The following FCGR3A variants were observed in gnomAD, a reference collection of about 807,000 sequenced individuals.
FCGR3A encodes low affinity immunoglobulin gamma Fc region receptor III-A.
FCGR3A carries 13 observed loss-of-function variants against 24.1 expected under a neutral mutation model. The observed-to-expected ratio is 0.54, with a 90% CI of 0.35 to 0.86. The LOEUF (loss-of-function observed/expected upper bound fraction) is 0.86, where lower values mean the gene tolerates loss of function less well. Among genes scored for constraint, FCGR3A ranks in the 40% least tolerant of loss-of-function variants. The pLI is 0.01. For missense variants in FCGR3A, 235 were observed against 298.0 expected, an observed-to-expected ratio of 0.79 and a Z score of 1.56; for synonymous variants, 93 against 112.2, an observed-to-expected ratio of 0.83 and a Z score of 1.08.
chr1:161,549,164 T>C, intron 1 of FCGR3A, 133 bp from the exon 2 acceptor site: 1 of 752,366 alleles, frequency 1.3e-6, no homozygotes. Context: ...AGGATGTTTC[T>C]GGTGGAAACC....
rs187260975 is a variant in FCGR3A, at chr1:161,541,994, G to A, written c.*1018C>T. On this transcript the variant is annotated 3_prime_UTR_variant, in exon 5 of 5. Coordinates refer to ENST00000443193, the MANE Select transcript of FCGR3A (RefSeq NM_000569.8). ...TAACTTAACTCAGCGAAGCTCAGTAGTACATTTAGTATTGGTTATACAACA... is the reference window on the plus strand; with the variant it reads ...TAACTTAACTCAGCGAAGCTCAGTAATACATTTAGTATTGGTTATACAACA... 3 of 152,350 alleles carry A rather than the reference G, an allele frequency of 2.0e-5. No individual in the cohort carries two copies. Among genetic ancestry groups the A allele is most frequent in the African/African-American group, 4.8e-5 (2 of 41,516 alleles). The allele number at this position is 152,350 out of a possible 1,614,324, so 9.4% of individuals were successfully genotyped here.
Position 161,548,511 on chromosome 1 carries a change from C to T in FCGR3A, c.229G>A (p.Asp77Asn), listed in dbSNP as rs142977184. Residue 77 changes from aspartate (D) to asparagine (N), a missense_variant, in exon 3 of 5, where the codon GAC becomes AAC. Asp to Asn is a conservative substitution (Grantham distance 23). Coordinates refer to ENST00000443193, the MANE Select transcript of FCGR3A (RefSeq NM_000569.8). ...CCACTGTCGTCGACTGTGGCAGCGT[C>T]AATGAAGTAGCTCGAGGCCTGGCTT... Reference protein sequence around the residue: ...ISSQASSYFIDAATVDDSGEY... With the variant: ...ISSQASSYFINAATVDDSGEY... 8.1e-6 allele frequency: 13 copies of T among 1,614,036 alleles called. No homozygotes were observed. The African/African-American group carries it at 1.6e-4, about 20-fold the overall frequency.
chr1:161,542,291 C>A lies in FCGR3A; in HGVS notation c.*721G>T. 1 of 151,916 alleles carries A rather than the reference C, an allele frequency of 6.6e-6. No individual in the cohort carries two copies. The allele number at this position is 151,916 out of a possible 1,614,324, so 9.4% of individuals were successfully genotyped here. A position where few individuals can be genotyped will look rare whatever the true frequency, so the allele number is the denominator to read the frequency against. Reference sequence around the variant, plus strand: ...CTTTCTTTTCCACCCCACCCCCCACCGCAATCCTCAGTCCCCTTCCTAGGA... The same window carrying A: ...CTTTCTTTTCCACCCCACCCCCCACAGCAATCCTCAGTCCCCTTCCTAGGA... On this transcript the variant is annotated 3_prime_UTR_variant, in exon 5 of 5. Coordinates refer to ENST00000443193, the MANE Select transcript of FCGR3A (RefSeq NM_000569.8).
intron 4 of FCGR3A, among the ~76,000 whole-genome samples, chr1:161,544,027 T>G (rs1677263587): frequency 6.6e-6 from 1 of 152,312 alleles, no homozygotes; most frequent in Non-Finnish European, 1.5e-5. Flanking sequence ...GATGTGACCT[T>G]AGGGAAACTT....
At chr1:161,543,681 GCT>G (rs1366318055) in intron 4 of FCGR3A, among the ~76,000 whole-genome samples, 2 of 152,058 alleles carry the variant, frequency 1.3e-5, no homozygotes, top group African/African-American at 4.8e-5. Context: ...TGCTTTATTT[GCT>G]CTCTTTCCCT....
chr1:161,549,607 G>C, intron 1 of FCGR3A, 90 bp downstream of exon 1: 1 of 1,567,608 alleles, frequency 6.4e-7, no homozygotes, highest in Non-Finnish European at 8.6e-7. Context: ...CCATCCCTTC[G>C]TGGGAGTCTC....
chr1:161,544,624 C>T, intron 4 of FCGR3A, 77 bp downstream of exon 4: 2 of 1,541,418 alleles, frequency 1.3e-6, no homozygotes, highest in Non-Finnish European at 8.8e-7. Flanking sequence ...GAATCTCCTC[C>T]CAACTCAACT....
rs1472639309 is a variant in FCGR3A at position 161,542,610 on chromosome 1, T to G, written c.*402A>C. 6.1e-6 allele frequency: 1 copy of G among 164,840 alleles called. No homozygotes were observed. The highest frequency in any genetic ancestry group is 1.3e-5 in the Non-Finnish European group (1 of 74,984). 10.2% of individuals were successfully genotyped at this position (164,840 alleles called of 1,614,324 possible). A position where few individuals can be genotyped will look rare whatever the true frequency, so the allele number is the denominator to read the frequency against. The stretch of plus-strand genomic sequence containing the variant: ...TGTATGGTCCTGCCTCAACCATTAA[T>G]TCTACTTATCCATTTATTTAGGAAT... On this transcript the variant is annotated 3_prime_UTR_variant, in exon 5 of 5. Coordinates refer to ENST00000443193, the MANE Select transcript of FCGR3A (RefSeq NM_000569.8).
intron 4 of FCGR3A, among the ~76,000 whole-genome samples, chr1:161,543,762 G>C (rs1488439864): frequency 1.3e-5 from 2 of 152,264 alleles, no homozygotes; most frequent in Non-Finnish European, 2.9e-5. Flanking sequence ...TTATGGCATT[G>C]TAGTGTCAAA....
At chr1:161,544,636 C>A (rs1392417874) in intron 4 of FCGR3A, 65 bp downstream of exon 4, 2 of 1,578,814 alleles carry the variant, frequency 1.3e-6, no homozygotes, top group Admixed American at 3.5e-5. Flanking sequence ...AACTCAACTT[C>A]CCAGTGTGAT....
chr1:161,544,407 C>T (rs397552), intron 4 of FCGR3A, among the ~76,000 whole-genome samples: 1 of 129,052 alleles, frequency 7.7e-6, no homozygotes, highest in Non-Finnish European at 1.7e-5. Context: ...GTGTGATTAG[C>T]GTAAGGAAAG....
chr1:161,550,018 C>T (rs1418735944), upstream of FCGR3A: 2 of 696,744 alleles, frequency 2.9e-6, no homozygotes, highest in Non-Finnish European at 2.4e-6. Context: ...TCTGAGGACA[C>T]ACACAGAATC....
At chr1:161,547,628 A>T (rs1385509453) in intron 3 of FCGR3A, among the ~76,000 whole-genome samples, 2 of 152,230 alleles carry the variant, frequency 1.3e-5, no homozygotes, top group Non-Finnish European at 2.9e-5. Flanking sequence ...TTTATGCTTA[A>T]TTATAGGTTT....
Position 161,542,974 on chromosome 1 carries a change from C to G in FCGR3A, c.*38G>C. The G allele has an allele frequency of 6.6e-7, 1 of 1,517,798 alleles. No individual in the cohort carries two copies. Among genetic ancestry groups the G allele is most frequent in the African/African-American group, 1.4e-5 (1 of 71,864 alleles). The allele number at this position is 1,517,798 out of a possible 1,614,324, so 94.0% of individuals were successfully genotyped here. ...AAATCCAGAGAAATGTTCAGAGATGCTGCTGCTACTGCTCTTATTACCCCC... is the reference window on the plus strand; with the variant it reads ...AAATCCAGAGAAATGTTCAGAGATGGTGCTGCTACTGCTCTTATTACCCCC... On this transcript the variant is annotated 3_prime_UTR_variant, in exon 5 of 5. Transcript: ENST00000443193.
intron 3 of FCGR3A, among the ~76,000 whole-genome samples, chr1:161,548,173 C>T (rs1438216052): frequency 6.6e-6 from 1 of 152,306 alleles, no homozygotes; most frequent in African/African-American, 2.4e-5. Flanking sequence ...ATTGTATGCA[C>T]TCCATATGGG....
At position 161,549,012 on chromosome 1, in the gene FCGR3A, A is replaced by C; in HGVS notation, c.60T>G (p.Thr20=). 6.3e-7 allele frequency: 1 copy of C among 1,598,702 alleles called. No individual in the cohort carries two copies. The highest frequency in any genetic ancestry group is 1.7e-4 in the Middle Eastern group (1 of 5,992). The change falls in exon 2 of 5, where the codon ACT becomes ACG. Residue 20 remains threonine, a splice_region_variant and synonymous_variant. Transcript: ENST00000443193. ...TCCAAGACCATGAAGCTGACTCACCAGTCCGCATGCCAGCTGAAACTGCAA... is the reference window on the plus strand; with the variant it reads ...TCCAAGACCATGAAGCTGACTCACCCGTCCGCATGCCAGCTGAAACTGCAA... ...LLLLVSAGMR[T]EDLPKAVVFL... is the part of the protein sequence containing the mutation.
At chr1:161,550,072 T>G, upstream of FCGR3A, 1 of 593,774 alleles carries the variant, frequency 1.7e-6, no homozygotes, top group East Asian at 2.8e-5. Context: ...TTGCCCCATC[T>G]CCTGGATTTG....
rs2102522718 is a variant in FCGR3A at position 161,544,927 on chromosome 1, C to T, written c.351G>A (p.Val117=). 1.9e-6 allele frequency: 3 copies of T among 1,612,190 alleles called. No individual in the cohort carries two copies. Among genetic ancestry groups the T allele is most frequent in the East Asian group, 2.2e-5 (1 of 44,880 alleles). Residue 117 remains valine (V), a synonymous_variant, in exon 4 of 5, where the codon GTG becomes GTA. Coordinates refer to ENST00000443193, the MANE Select transcript of FCGR3A (RefSeq NM_000569.8). Reference sequence around the variant, plus strand: ...GGTGAATAGGGTCTTCCTCCTTGAACACCCACCGAGGGGCCTGGAGCAACA... The same window carrying T: ...GGTGAATAGGGTCTTCCTCCTTGAATACCCACCGAGGGGCCTGGAGCAACA... ...GWLLLQAPRW[V]FKEEDPIHLR... is the part of the protein sequence containing the mutation.
At chr1:161,547,856 G>T (rs1343454667) in intron 3 of FCGR3A, among the ~76,000 whole-genome samples, 11 of 152,300 alleles carry the variant, frequency 7.2e-5, no homozygotes, top group African/African-American at 2.7e-4. Context: ...AATCACCTGA[G>T]GTCAGGAGTT....
Sources: allele counts gnomAD v4.1 joint callset (sites outside exome capture counted in the v4.1 genomes callset), GRCh38; gene constraint gnomAD v4.1.1; transcripts MANE v1.5; gene names NCBI Gene and HGNC (gene_info 2026-07-23, HGNC 2026-07-21).